Variants in DOCK10 observed in about 807,000 individuals in gnomAD.
DOCK10 encodes the protein dedicator of cytokinesis protein 10.
DOCK10 carries 145 observed loss-of-function variants against 280.1 expected under a neutral mutation model. The observed-to-expected ratio is 0.52, with a 90% confidence interval of 0.45 to 0.59. DOCK10 has a LOEUF of 0.59. Among genes scored for constraint, DOCK10 ranks in the 20% least tolerant of loss-of-function variants. DOCK10 has a pLI of 0.00. For missense variants in DOCK10, 2,368 were observed against 2,651.7 expected, an observed-to-expected ratio of 0.89 and a Z score of 2.35; for synonymous variants, 915 against 942.2, an observed-to-expected ratio of 0.97 and a Z score of 0.53.
chr2:225,035,551 T>G (rs1310390513), intron 1 of DOCK10, among the ~76,000 whole-genome samples: 1,929 of 32,378 alleles, frequency 0.06, 129 homozygotes, highest in East Asian at 0.21. Flanking sequence ...ATTATATATA[T>G]ATATATATAT....
Position 224,770,491 on chromosome 2 carries a change from G to T in DOCK10, c.6305+54C>A. The T allele has an allele frequency of 6.4e-7, 1 of 1,568,332 alleles. No individual in the cohort carries two copies. Among genetic ancestry groups the T allele is most frequent in the South Asian group, 1.1e-5 (1 of 89,654 alleles). On this transcript the variant is annotated intron_variant, in intron 54 of 55. Transcript: ENST00000258390. This position sits in a 1 kb window ranked among gnomAD's most constrained non-coding sequence, Gnocchi z 4.5. ...TGTGATGGATTCTTGGGGGATTGAG[G>T]ACTCCCTGTCTCAGGAAGTTCAAGG...
chr2:224,865,170 G>A (rs1463967065), intron 11 of DOCK10, 83 bp from the exon 12 acceptor site: 23 of 1,344,936 alleles, frequency 1.7e-5, no homozygotes, highest in Non-Finnish European at 1.1e-5. Flanking sequence ...ATTTAACAAA[G>A]CAGTAGATAA....
chr2:224,799,643 T>C (rs1692833483), intron 41 of DOCK10, among the ~76,000 whole-genome samples: 1 of 152,238 alleles, frequency 6.6e-6, no homozygotes, highest in Non-Finnish European at 1.5e-5. Flanking sequence ...TGTCAATAAA[T>C]AGGAGTTCTA....
intron 11 of DOCK10, among the ~76,000 whole-genome samples, chr2:224,873,779 A>G (rs1465719167): frequency 6.6e-6 from 1 of 152,062 alleles, no homozygotes; most frequent in Admixed American, 6.6e-5. Context: ...TAGTATATTA[A>G]TATTTTATTA....
At chr2:224,807,168 A>G (rs1336543339) in intron 33 of DOCK10, 1 of 153,156 alleles carries the variant, frequency 6.5e-6, no homozygotes, top group African/African-American at 2.4e-5. Flanking sequence ...CCTTCCTTAG[A>G]TACTGGATTC....
intron 1 of DOCK10, among the ~76,000 whole-genome samples, chr2:225,009,685 A>G (rs1222085907): frequency 6.6e-6 from 1 of 152,058 alleles, no homozygotes; most frequent in Non-Finnish European, 1.5e-5. Flanking sequence ...AAAAACATGA[A>G]AACTGTATTC....
chr2:224,924,672 C>G (rs887663245), intron 2 of DOCK10, among the ~76,000 whole-genome samples: 14 of 152,164 alleles, frequency 9.2e-5, no homozygotes, highest in Admixed American at 3.9e-4. Flanking sequence ...ACATTTGTGT[C>G]CAAGTCTGGT....
At position 224,804,858 on chromosome 2, in the gene DOCK10, AACC is replaced by A. The variant is rs1574850152; in HGVS notation, c.4119-20_4119-18del. On this transcript the variant is annotated intron_variant, in intron 37 of 55. Coordinates refer to ENST00000258390, the MANE Select transcript of DOCK10 (RefSeq NM_014689.3). ...AGACAAACGCTAGAAAGGAGAAAAA[AACC>A]ACATTTTAATTATTCATATTCTTTT... The A allele has an allele frequency of 4.0e-6, 6 of 1,496,908 alleles. No individual in the cohort carries two copies. Among genetic ancestry groups the A allele is most frequent in the Non-Finnish European group, 5.4e-6 (6 of 1,120,392 alleles). 92.7% of individuals were successfully genotyped at this position (1,496,908 alleles called of 1,614,324 possible).
At position 224,843,442 on chromosome 2, in the gene DOCK10, G is replaced by A. The variant is rs184059756; in HGVS notation, c.2568+1311C>T. Among the ~76,000 whole-genome samples the A allele has an allele frequency of 2.5e-3, 373 of 152,244 alleles. 1 individual carries two copies. Among genetic ancestry groups the A allele is most frequent in the African/African-American group, 7.3e-3 (305 of 41,532 alleles). On this transcript the variant is annotated intron_variant, in intron 22 of 55. Transcript: ENST00000258390. ...AAAAATATAGGGTTTGGTGGAGATT[G>A]AGTGTTTTGTGGAACTTGACCAGGG...
At chr2:224,965,863 T>C (rs1704709232) in intron 1 of DOCK10, among the ~76,000 whole-genome samples, 1 of 152,196 alleles carries the variant, frequency 6.6e-6, no homozygotes, top group Non-Finnish European at 1.5e-5. Context: ...TATATAAAAC[T>C]CTGTATTTTT....
At position 224,853,790 on chromosome 2, in the gene DOCK10, G is replaced by T. The variant is rs996813834; in HGVS notation, c.1889-668C>A. 6.0e-4 allele frequency among the ~76,000 whole-genome samples: 91 copies of T among 152,172 alleles called. 2 individuals are homozygous for T. The highest frequency in any genetic ancestry group is 6.0e-3 in the Admixed American group (91 of 15,276). On this transcript the variant is annotated intron_variant, in intron 16 of 55. Transcript: ENST00000258390. ...TGAAGTTGTGGTACTGAAAGACCAAGGCCTTCTACCTCCCTTTACCCCACC... is the reference window on the plus strand; with the variant it reads ...TGAAGTTGTGGTACTGAAAGACCAATGCCTTCTACCTCCCTTTACCCCACC...
At chr2:224,987,103 A>G (rs941017847) in intron 1 of DOCK10, among the ~76,000 whole-genome samples, 1 of 152,192 alleles carries the variant, frequency 6.6e-6, no homozygotes, top group African/African-American at 2.4e-5. Flanking sequence ...TGCGTGGAGT[A>G]CATTTTTTTA....
intron 1 of DOCK10, among the ~76,000 whole-genome samples, chr2:225,040,958 C>G (rs1445987801): frequency 6.6e-6 from 1 of 152,156 alleles, no homozygotes; most frequent in Non-Finnish European, 1.5e-5. Context: ...AACAGTTGAA[C>G]CACCTCTGGG....
chr2:224,927,286 T>C (rs563373799), intron 2 of DOCK10, among the ~76,000 whole-genome samples: 40 of 152,182 alleles, frequency 2.6e-4, no homozygotes, highest in African/African-American at 8.0e-4. Flanking sequence ...GGGAACCAGA[T>C]GACAGGGGTT....
intron 4 of DOCK10, among the ~76,000 whole-genome samples, chr2:224,891,906 T>G (rs1699678683): frequency 6.6e-6 from 1 of 152,226 alleles, no homozygotes; most frequent in Non-Finnish European, 1.5e-5. Context: ...ACTGTCTTAA[T>G]TCTTGGGGGC....
intron 55 of DOCK10, chr2:224,768,824 C>A (rs757946633): frequency 6.7e-6 from 3 of 448,418 alleles, no homozygotes; most frequent in South Asian, 4.8e-5. Context: ...GAGGGGTACA[C>A]CAGAAGGCCA....
At chr2:224,867,286 C>T (rs909841802) in intron 11 of DOCK10, among the ~76,000 whole-genome samples, 6 of 152,182 alleles carry the variant, frequency 3.9e-5, no homozygotes, top group Admixed American at 3.9e-4. Flanking sequence ...AATCTGTTTA[C>T]TTACTTGTTC....
chr2:224,906,681 A>G (rs1022654116), intron 3 of DOCK10, among the ~76,000 whole-genome samples: 2 of 152,134 alleles, frequency 1.3e-5, no homozygotes, highest in East Asian at 1.9e-4. Context: ...GGGTTTCACC[A>G]TATTAGCCAG....
At position 224,970,307 on chromosome 2, in the gene DOCK10, T is replaced by G. The variant is rs781327750; in HGVS notation, c.124-38639A>C. 1.3e-5 allele frequency among the ~76,000 whole-genome samples: 2 copies of G among 152,334 alleles called. No individual in the cohort carries two copies. The highest frequency in any genetic ancestry group is 3.9e-4 in the East Asian group (2 of 5,188). Reference sequence around the variant, plus strand: ...ATCCAGGCACTGTGATCAGTGTTTTTACTCAGTTTTCATTTAGATCATCAC... The same window carrying G: ...ATCCAGGCACTGTGATCAGTGTTTTGACTCAGTTTTCATTTAGATCATCAC... On this transcript the variant is annotated intron_variant, in intron 1 of 55. Coordinates refer to ENST00000258390, the MANE Select transcript of DOCK10 (RefSeq NM_014689.3). This position sits in a 1 kb window ranked among gnomAD's most constrained non-coding sequence, Gnocchi z 4.6.
Sources: allele counts gnomAD v4.1 joint callset (sites outside exome capture counted in the v4.1 genomes callset), GRCh38; gene constraint gnomAD v4.1.1; non-coding constraint Gnocchi (gnomAD v3.1); transcripts MANE v1.5; gene names NCBI Gene and HGNC (gene_info 2026-07-23, HGNC 2026-07-21).